The following GADL1 variants were observed in gnomAD, a reference collection of about 807,000 sequenced individuals.
GADL1 encodes acidic amino acid decarboxylase GADL1.
Under a neutral mutation model 69.5 loss-of-function variants are expected in GADL1, and 71 were observed. The ratio of observed to expected loss-of-function variants is 1.02; its 90% CI spans 0.84 to 1.25. The LOEUF (loss-of-function observed/expected upper bound fraction) is 1.25. Ranked by LOEUF, GADL1 falls within the 50% of genes most tolerant of loss-of-function variation. The probability of loss-of-function intolerance (pLI) is 0.00; values close to 1 mark genes in which losing one functional copy is unlikely to be tolerated. For synonymous variants in GADL1, 254 were observed against 214.4 expected, an observed-to-expected ratio of 1.18 and a Z score of -1.62; for missense variants, 737 against 631.8, an observed-to-expected ratio of 1.17 and a Z score of -1.79.
intron 3 of GADL1, among the ~76,000 whole-genome samples, chr3:30,856,653 A>C (rs1024933258): frequency 1.3e-5 from 2 of 152,110 alleles, no homozygotes; most frequent in African/African-American, 4.8e-5. Context: ...ATCAAGATTT[A>C]AAATCCCTTA....
At chr3:30,780,611 G>T (rs1575201757) in intron 13 of GADL1, among the ~76,000 whole-genome samples, 2 of 152,184 alleles carry the variant, frequency 1.3e-5, no homozygotes, top group Middle Eastern at 6.8e-3. Context: ...ATTTGCATAG[G>T]AACATTACAA....
At chr3:30,865,939 T>C (rs770314608) in intron 1 of GADL1, among the ~76,000 whole-genome samples, 1 of 152,064 alleles carries the variant, frequency 6.6e-6, no homozygotes, top group Non-Finnish European at 1.5e-5. Context: ...GCTTCCAAAA[T>C]TCTGTATAGG....
chr3:30,806,342 C>CAT (rs1195756435), intron 11 of GADL1, among the ~76,000 whole-genome samples: 3 of 152,090 alleles, frequency 2.0e-5, no homozygotes, highest in Non-Finnish European at 4.4e-5. Context: ...TATACAAGCC[C>CAT]ATGAAGGTGC....
intron 14 of GADL1, among the ~76,000 whole-genome samples, chr3:30,735,471 T>C (rs1695528888): frequency 6.6e-6 from 1 of 152,146 alleles, no homozygotes; most frequent in Non-Finnish European, 1.5e-5. Context: ...TTAAAGGGAA[T>C]AAACTACCAA....
At chr3:30,773,500 G>A (rs1696465902) in intron 14 of GADL1, among the ~76,000 whole-genome samples, 1 of 152,024 alleles carries the variant, frequency 6.6e-6, no homozygotes, top group South Asian at 2.1e-4. Flanking sequence ...AAAATATTTT[G>A]GCACCTCTTA....
chr3:30,823,173 CAG>C (rs1491375056), intron 11 of GADL1, among the ~76,000 whole-genome samples: 3 of 151,856 alleles, frequency 2.0e-5, no homozygotes, highest in African/African-American at 7.2e-5. Context: ...AAAGGGAACT[CAG>C]GGAGGTAAGC....
chr3:30,733,613 C>A (rs1304252672), intron 14 of GADL1, among the ~76,000 whole-genome samples: 2 of 150,546 alleles, frequency 1.3e-5, no homozygotes, highest in Non-Finnish European at 1.5e-5. Context: ...TCCTTCCTTC[C>A]TTCCTTCCTT....
chr3:30,881,054 T>C (rs1698634457), intron 1 of GADL1, among the ~76,000 whole-genome samples: 1 of 151,908 alleles, frequency 6.6e-6, no homozygotes, highest in South Asian at 2.1e-4. Flanking sequence ...ATCAATCACA[T>C]TCCCAGTGCA....
chr3:30,822,002 A>G (rs540890894), intron 11 of GADL1, among the ~76,000 whole-genome samples: 33 of 152,162 alleles, frequency 2.2e-4, no homozygotes, highest in African/African-American at 7.2e-4. Flanking sequence ...ACTATTCCAC[A>G]TTTCCTGTAG....
rs557380221 is a variant in GADL1, at chr3:30,856,997, G to A, written c.337+18C>T. 1.3e-5 allele frequency: 20 copies of A among 1,543,288 alleles called. No individual in the cohort carries two copies. The highest frequency in any genetic ancestry group is 2.0e-5 in the Admixed American group (1 of 50,906). ...CTTGTCAGAGGTACAGATCAAGGAAGTAAATTAAAGTTCTTACTAGTTTTG... is the reference window on the plus strand; with the variant it reads ...CTTGTCAGAGGTACAGATCAAGGAAATAAATTAAAGTTCTTACTAGTTTTG... On this transcript the variant is annotated intron_variant, in intron 3 of 14. Coordinates refer to ENST00000282538, the MANE Select transcript of GADL1 (RefSeq NM_207359.3).
chr3:30,863,937 G>GA (rs1349509572), intron 1 of GADL1, among the ~76,000 whole-genome samples: 7 of 152,028 alleles, frequency 4.6e-5, no homozygotes, highest in Non-Finnish European at 8.8e-5. Flanking sequence ...CCCAGTTGGG[G>GA]AAAGATGGAA....
intron 12 of GADL1, chr3:30,798,309 T>TTA (rs1487313516): frequency 6.6e-6 from 1 of 152,640 alleles, no homozygotes; most frequent in Admixed American, 6.5e-5. Context: ...TTAATTGAAC[T>TTA]TATAGTTCCA....
In GADL1 at chr3:30,741,008, T is replaced by TTATATAATATATTATATATTATATATTAA. The variant is rs1553634674; in HGVS notation, c.1393-12594_1393-12593insTTAATATATAATATATAATATATTATATA. On this transcript the variant is annotated intron_variant, in intron 14 of 14. Transcript: ENST00000282538. ...ATTATATATTATATATTAATATATA[T>TTATATAATATATTATATATTATATATTAA]TATATATTATATAATATATTATATA... is the stretch of plus-strand genomic sequence containing the variant. Among the ~76,000 whole-genome samples the TTATATAATATATTATATATTATATATTAA allele has an allele frequency of 3.2e-3, 332 of 102,796 alleles. 4 individuals carry two copies. The highest frequency in any genetic ancestry group is 9.5e-3 in the African/African-American group (210 of 22,200). 67.4% of individuals were successfully genotyped at this position (102,796 alleles called of 152,430 possible).
At chr3:30,872,166 G>T (rs1324151557) in intron 1 of GADL1, among the ~76,000 whole-genome samples, 2 of 151,748 alleles carry the variant, frequency 1.3e-5, no homozygotes, top group African/African-American at 4.8e-5. Context: ...TTATGCAATT[G>T]GGCTCCATGA....
chr3:30,816,777 C>A (rs144250107), intron 11 of GADL1, among the ~76,000 whole-genome samples: 1,598 of 151,888 alleles, frequency 0.011, 33 homozygotes, highest in African/African-American at 0.037. Context: ...AACTCCTGAC[C>A]TCAGGTAATC....
Position 30,865,391 on chromosome 3 carries a change from A to G in GADL1, c.38-3626T>C, listed in dbSNP as rs376935227. ...GTCTGTCGGTTTCACTGTTATTTCC[A>G]TAGCACCCAGAAAGTGCCTGGCAGT... On this transcript the variant is annotated intron_variant, in intron 1 of 14. Transcript: ENST00000282538. Among the ~76,000 whole-genome samples, 6 of 151,978 alleles carry G rather than the reference A, an allele frequency of 3.9e-5. No individual in the cohort carries two copies. In the South Asian group the frequency reaches 1.0e-3, roughly 26 times the overall value.
chr3:30,776,908 T>G (rs781261879), intron 14 of GADL1, among the ~76,000 whole-genome samples: 1 of 152,224 alleles, frequency 6.6e-6, no homozygotes, highest in Non-Finnish European at 1.5e-5. Flanking sequence ...TGATTCTTCC[T>G]GGAATCTGCT....
chr3:30,873,255 G>A (rs530725567), intron 1 of GADL1, among the ~76,000 whole-genome samples: 2 of 151,990 alleles, frequency 1.3e-5, no homozygotes, highest in East Asian at 3.9e-4. Context: ...ACCAGGTATT[G>A]GGATATACAC....
intron 14 of GADL1, among the ~76,000 whole-genome samples, chr3:30,741,093 T>TTATA (rs58904519): frequency 9.6e-6 from 1 of 104,330 alleles, no homozygotes; most frequent in African/African-American, 3.4e-5. Context: ...GGTGTTTGTA[T>TTATA]TATATATATG....
Sources: gnomAD v4.1 joint callset for allele counts (sites outside exome capture counted in the v4.1 genomes callset) on GRCh38, gnomAD v4.1.1 for gene constraint, MANE v1.5 for transcripts, NCBI Gene and HGNC (gene_info 2026-07-23, HGNC 2026-07-21) for gene names.